The following LARS1 variants were observed in gnomAD, a reference collection of about 807,000 sequenced individuals.
The protein encoded by LARS1 is leucine--tRNA ligase, cytoplasmic.
A neutral mutation model predicts 162.8 loss-of-function variants in LARS1; 100 were observed. The observed-to-expected ratio is 0.61, with a 90% CI of 0.52 to 0.73. LARS1 has a LOEUF of 0.73. LARS1 is among the 30% of genes least tolerant of loss of function. The pLI, the probability that LARS1 is intolerant of heterozygous loss-of-function variation, is 0.00. For missense variants in LARS1, 1,258 were observed against 1,408.9 expected (o/e 0.89, Z 1.71); for synonymous variants, 457 against 462.8 (o/e 0.99, Z 0.16).
At chr5:146,155,160 T>C (rs769449669) in intron 10 of LARS1, among the ~76,000 whole-genome samples, 10 of 152,098 alleles carry the variant, frequency 6.6e-5, no homozygotes, top group Non-Finnish European at 8.8e-5. Flanking sequence ...CCCGGAAAAA[T>C]AATTTTTAAT....
intron 27 of LARS1, among the ~76,000 whole-genome samples, chr5:146,128,255 T>C (rs1028768872): frequency 6.6e-6 from 1 of 152,118 alleles, no homozygotes; most frequent in African/African-American, 2.4e-5. Context: ...TTCACTTTTT[T>C]CCAAACAATA....
rs960307343 is a variant in LARS1, at chr5:146,155,943, G to C, written c.1065+1460C>G. Among the ~76,000 whole-genome samples, 8 of 152,190 alleles carry C rather than the reference G, an allele frequency of 5.3e-5. No homozygotes were observed. In the South Asian group the frequency reaches 6.2e-4, roughly 12 times the overall value. ...ATATCCATTAATAGAGAATGGTTAA[G>C]TAAATTGTGGTACAACCAAACAATG... On this transcript the variant is annotated intron_variant, in intron 10 of 31. Transcript: ENST00000394434.
At chr5:146,120,224 A>G in intron 31 of LARS1, 147 bp downstream of exon 31, 1 of 860,630 alleles carries the variant, frequency 1.2e-6, no homozygotes, top group Non-Finnish European at 1.8e-6. Context: ...CAAAAAGAAT[A>G]GTTTTCTTGA....
chr5:146,131,159 A>G, intron 23 of LARS1, 50 bp from the exon 24 acceptor site: 1 of 869,842 alleles, frequency 1.1e-6, no homozygotes, highest in Non-Finnish European at 1.7e-6. Context: ...GCACTTATAC[A>G]TAGCTATAAA....
At position 146,133,095 on chromosome 5, in the gene LARS1, A is replaced by G. The variant is rs955822258; in HGVS notation, c.2213-14T>C. 6 of 1,611,570 alleles carry G rather than the reference A, an allele frequency of 3.7e-6. No homozygotes were observed. Among genetic ancestry groups the G allele is most frequent in the African/African-American group, 1.3e-5 (1 of 74,794 alleles). ...CCAAACGCATTCCTGGAAGAAGAAAAAAAAATTCAATGCATTAAAAATATG... is the reference window on the plus strand; with the variant it reads ...CCAAACGCATTCCTGGAAGAAGAAAGAAAAATTCAATGCATTAAAAATATG... On this transcript the variant is annotated splice_polypyrimidine_tract_variant and intron_variant, in intron 22 of 31. Transcript: ENST00000394434.
intron 6 of LARS1, among the ~76,000 whole-genome samples, chr5:146,160,889 T>C (rs2063003): frequency 6.6e-6 from 1 of 152,200 alleles, no homozygotes; most frequent in Non-Finnish European, 1.5e-5. Flanking sequence ...CCATAGGCAA[T>C]GTTAGGTTCT....
At chr5:146,181,842 T>TTTTTTC (rs1480717752) in intron 1 of LARS1, among the ~76,000 whole-genome samples, 18 of 103,470 alleles carry the variant, frequency 1.7e-4, no homozygotes, top group African/African-American at 5.8e-4. Context: ...AGGCGCTCAA[T>TTTTTTC]TTTTTCTTTT....
Position 146,128,991 on chromosome 5 carries a change from G to A in LARS1, c.2756C>T (p.Pro919Leu). 6.3e-7 allele frequency: 1 copy of A among 1,583,256 alleles called. No individual in the cohort carries two copies. Residue 919 changes from proline (P) to leucine (L), a missense_variant, in exon 26 of 32, where the codon CCA becomes CTA. Pro to Leu is a moderately conservative substitution (Grantham distance 98). Coordinates refer to ENST00000394434, the MANE Select transcript of LARS1 (RefSeq NM_020117.11). ...LRLRLKNYMM[P>L]AKGKKTDKQP... ...AAAAAACTTTACCTTCCCTTTAGCTGGCATCATATAGTTCTTGAGTCGTAG... is the reference window on the plus strand; with the variant it reads ...AAAAAACTTTACCTTCCCTTTAGCTAGCATCATATAGTTCTTGAGTCGTAG...
intron 13 of LARS1, 119 bp from the exon 14 acceptor site, chr5:146,152,121 G>A (rs1753320670): frequency 4.9e-6 from 5 of 1,030,706 alleles, no homozygotes; most frequent in South Asian, 4.2e-5. Context: ...ATGTCATTAC[G>A]ACACTGCCAC....
At position 146,171,953 on chromosome 5, in the gene LARS1, C is replaced by T. The variant is rs769575119; in HGVS notation, c.251G>A (p.Cys84Tyr). 1.2e-6 allele frequency: 2 copies of T among 1,613,816 alleles called. No homozygotes were observed. Among genetic ancestry groups the T allele is most frequent in the Non-Finnish European group, 1.7e-6 (2 of 1,179,912 alleles). ...VGYQRLKGKC[C>Y]LFPFGLHCTG... ...ACAGTGCAGGCCAAAGGGAAACAGA[C>T]AACATTTTCCTTTCAATCGCTGGTA... The change falls in exon 4 of 32, where the codon TGT (cysteine) becomes TAT (tyrosine). Residue 84 changes from cysteine (C) to tyrosine (Y), a missense_variant. Transcript: ENST00000394434.
chr5:146,168,248 C>A lies in LARS1; in HGVS notation c.312G>T (p.Leu104Phe), dbSNP rs754634698. The A allele has an allele frequency of 1.9e-5, 30 of 1,612,166 alleles. No individual in the cohort carries two copies. Among genetic ancestry groups the A allele is most frequent in the Non-Finnish European group, 2.5e-5 (29 of 1,179,502 alleles). The change falls in exon 5 of 32, where the codon TTG (leucine) becomes TTT (phenylalanine). Residue 104 changes from leucine to phenylalanine, a missense_variant. Transcript: ENST00000394434. ...AACCATACAGCTCTATTTCTCTTTTCAACTTATCAGCACATGCCTACAACG... is the reference window on the plus strand; with the variant it reads ...AACCATACAGCTCTATTTCTCTTTTAAACTTATCAGCACATGCCTACAACG... ...GMPIKACADKLKREIELYGCP... is the reference protein window; with the variant it reads ...GMPIKACADKFKREIELYGCP...
intron 8 of LARS1, among the ~76,000 whole-genome samples, chr5:146,158,157 A>C (rs995664591): frequency 1.3e-5 from 2 of 152,140 alleles, no homozygotes; most frequent in Admixed American, 1.3e-4. Flanking sequence ...TAATGGTTAG[A>C]CCCAAGGTAG....
intron 29 of LARS1, among the ~76,000 whole-genome samples, chr5:146,123,542 T>G (rs1168015005): frequency 6.6e-6 from 1 of 151,814 alleles, no homozygotes; most frequent in Non-Finnish European, 1.5e-5. Context: ...TCATGAACCA[T>G]AATATATCAT....
chr5:146,116,826 A>T (rs990880511), intron 31 of LARS1, among the ~76,000 whole-genome samples: 1 of 152,206 alleles, frequency 6.6e-6, no homozygotes, highest in Non-Finnish European at 1.5e-5. Flanking sequence ...CCAGATCATA[A>T]TTACCCTCAA....
intron 27 of LARS1, 51 bp downstream of exon 27, chr5:146,128,621 A>G (rs1165032585): frequency 1.6e-6 from 2 of 1,227,686 alleles, no homozygotes; most frequent in Non-Finnish European, 2.3e-6. Context: ...CAAAAACAAC[A>G]TAGGGAGCAT....
intron 8 of LARS1, 33 bp downstream of exon 8, chr5:146,159,374 T>A: frequency 1.3e-6 from 2 of 1,531,782 alleles, no homozygotes; most frequent in Non-Finnish European, 1.8e-6. Flanking sequence ...TTAAGGATTA[T>A]TATAATAGCT....
At chr5:146,138,696 AC>A (rs1752620204) in intron 21 of LARS1, 1 of 153,320 alleles carries the variant, frequency 6.5e-6, no homozygotes. Flanking sequence ...ATCACTGCAT[AC>A]CACCCTGGGC....
intron 29 of LARS1, among the ~76,000 whole-genome samples, chr5:146,123,377 G>C (rs1403334888): frequency 1.3e-5 from 2 of 151,840 alleles, no homozygotes; most frequent in Non-Finnish European, 2.9e-5. Context: ...ATTGGATGGG[G>C]AGAACGTCAC....
At chr5:146,164,561 A>G in intron 5 of LARS1, 90 bp from the exon 6 acceptor site, 1 of 1,259,678 alleles carries the variant, frequency 7.9e-7, no homozygotes, top group South Asian at 1.2e-5. Flanking sequence ...TAATTTTTTT[A>G]CATTCTAAAA....
Sources: allele counts gnomAD v4.1 joint callset (sites outside exome capture counted in the v4.1 genomes callset), GRCh38; gene constraint gnomAD v4.1.1; transcripts MANE v1.5; gene names NCBI Gene and HGNC (gene_info 2026-07-23, HGNC 2026-07-21).